Variants in PLXDC1 observed in about 807,000 individuals in gnomAD.
PLXDC1 encodes the protein plexin domain-containing protein 1.
A neutral mutation model predicts 61.3 loss-of-function variants in PLXDC1; 39 were observed. The ratio of observed to expected loss-of-function variants is 0.64; its 90% CI spans 0.49 to 0.83. The LOEUF (loss-of-function observed/expected upper bound fraction) is 0.83, where lower values mean the gene tolerates loss of function less well. PLXDC1 is among the 40% of genes least tolerant of loss of function. The pLI, the probability that PLXDC1 is intolerant of heterozygous loss-of-function variation, is 0.00. For missense variants in PLXDC1, 596 were observed against 666.5 expected, an observed-to-expected ratio of 0.89 and a Z score of 1.17; for synonymous variants, 212 against 254.5, an observed-to-expected ratio of 0.83 and a Z score of 1.59.
chr17:39,129,711 G>GAAA (rs1249381083), intron 2 of PLXDC1, among the ~76,000 whole-genome samples: 2 of 108,254 alleles, frequency 1.8e-5, no homozygotes, highest in East Asian at 2.9e-4. Flanking sequence ...AAAGAAAGAA[G>GAAA]GAAAGAAAGA....
At chr17:39,116,512 G>A (rs1447651159) in intron 2 of PLXDC1, among the ~76,000 whole-genome samples, 2 of 152,208 alleles carry the variant, frequency 1.3e-5, no homozygotes, top group Non-Finnish European at 2.9e-5. Context: ...TCCAGTGGCA[G>A]GTGACACAAA....
intron 2 of PLXDC1, among the ~76,000 whole-genome samples, chr17:39,119,286 CCTTCA>C (rs1404802562): frequency 5.3e-5 from 8 of 152,174 alleles, no homozygotes; most frequent in African/African-American, 1.9e-4. Context: ...CCCAGGCAGT[CCTTCA>C]CTGGTACAGA....
At chr17:39,136,964 T>C (rs940724335) in intron 2 of PLXDC1, among the ~76,000 whole-genome samples, 2 of 152,130 alleles carry the variant, frequency 1.3e-5, no homozygotes, top group Non-Finnish European at 2.9e-5. Flanking sequence ...CCATGAGGAA[T>C]TGTAGAAAGG....
intron 7 of PLXDC1, among the ~76,000 whole-genome samples, chr17:39,091,114 C>G (rs1236189577): frequency 6.6e-6 from 1 of 152,250 alleles, no homozygotes; most frequent in Non-Finnish European, 1.5e-5. Flanking sequence ...CCACTGCCCC[C>G]ACCCTAGCTT....
intron 2 of PLXDC1, among the ~76,000 whole-genome samples, chr17:39,110,146 G>T (rs917352609): frequency 2.6e-5 from 4 of 152,038 alleles, no homozygotes; most frequent in Non-Finnish European, 5.9e-5. Context: ...GAAAAATCTG[G>T]ATCTTAGAAG....
At chr17:39,077,841 G>C (rs1909399525) in intron 11 of PLXDC1, 72 bp downstream of exon 11, 1 of 1,511,484 alleles carries the variant, frequency 6.6e-7, no homozygotes, top group African/African-American at 1.4e-5. Context: ...GGGACAGAGA[G>C]GGGGCCCCAG....
At chr17:39,113,915 C>T (rs1194696815) in intron 2 of PLXDC1, among the ~76,000 whole-genome samples, 2 of 152,104 alleles carry the variant, frequency 1.3e-5, no homozygotes, top group African/African-American at 4.8e-5. Context: ...AACCTCATTC[C>T]CTGGATGTCT....
At position 39,123,831 on chromosome 17, in the gene PLXDC1, G is replaced by A. The variant is rs569018912; in HGVS notation, c.256-14440C>T. 3.6e-4 allele frequency among the ~76,000 whole-genome samples: 55 copies of A among 152,090 alleles called. 1 individual carries two copies. Among genetic ancestry groups the A allele is most frequent in the Admixed American group, 3.5e-3 (54 of 15,268 alleles). On this transcript the variant is annotated intron_variant, in intron 2 of 13. Coordinates refer to ENST00000315392, the MANE Select transcript of PLXDC1 (RefSeq NM_020405.5). ...GAACTCTGGCTAAGCTGTCACAGTCGGCCCATCACCTGCCAGCCAACTGGC... is the reference window on the plus strand; with the variant it reads ...GAACTCTGGCTAAGCTGTCACAGTCAGCCCATCACCTGCCAGCCAACTGGC...
intron 7 of PLXDC1, among the ~76,000 whole-genome samples, chr17:39,088,291 A>C: frequency 6.6e-6 from 1 of 151,500 alleles, no homozygotes; most frequent in Non-Finnish European, 1.5e-5. Context: ...CATCCACCTC[A>C]CCCCTCCTGG....
chr17:39,097,786 C>T (rs2143584853), intron 7 of PLXDC1, among the ~76,000 whole-genome samples: 1 of 151,530 alleles, frequency 6.6e-6, no homozygotes, highest in Admixed American at 6.6e-5. Context: ...TCTATAGTCT[C>T]AGCTACTCAG....
intron 7 of PLXDC1, among the ~76,000 whole-genome samples, chr17:39,098,131 G>A (rs1229621210): frequency 2.0e-5 from 3 of 149,582 alleles, no homozygotes; most frequent in South Asian, 2.1e-4. Flanking sequence ...CTTGAACCCA[G>A]GAGGTGGAGG....
At chr17:39,108,659 T>C (rs1355325179) in intron 4 of PLXDC1, 1 of 561,982 alleles carries the variant, frequency 1.8e-6, no homozygotes, top group Non-Finnish European at 3.2e-6. Context: ...CACAGGGCTG[T>C]CCACACTGAC....
Position 39,073,534 on chromosome 17 carries a change from G to A in PLXDC1, c.1187-1049C>T, listed in dbSNP as rs774919600. ...CTGGTAGACAAAAGGACACAGTGCC[G>A]CCCACTGCCAGTCCCTCCCAGAGTG... On this transcript the variant is annotated intron_variant, in intron 11 of 13. Transcript: ENST00000315392. Among the ~76,000 whole-genome samples the A allele has an allele frequency of 8.3e-4, 127 of 152,226 alleles. 2 individuals are homozygous for A. Among genetic ancestry groups the A allele is most frequent in the Middle Eastern group, 6.8e-3 (2 of 294 alleles).
chr17:39,135,008 G>A (rs967245612), intron 2 of PLXDC1, among the ~76,000 whole-genome samples: 2 of 152,108 alleles, frequency 1.3e-5, no homozygotes, highest in East Asian at 1.9e-4. Flanking sequence ...TCTTTTCCTC[G>A]TGAGCTGCTG....
At position 39,139,717 on chromosome 17, in the gene PLXDC1, G is replaced by T. The variant is rs372986611; in HGVS notation, c.192C>A (p.Ser64Arg). 3 of 1,613,842 alleles carry T rather than the reference G, an allele frequency of 1.9e-6. No homozygotes were observed. Among genetic ancestry groups the T allele is most frequent in the African/African-American group, 1.3e-5 (1 of 74,894 alleles). ...CCAGGGTGCCCCCACCCAGGTCCTG[G>T]CTCAGCTGGGTCCTGTCCGGCTCTG... Reference protein sequence around the residue: ...HVSEPDRTQLSQDLGGGTLAM... With the variant: ...HVSEPDRTQLRQDLGGGTLAM... The change falls in exon 2 of 14, where the codon AGC becomes AGA. Residue 64 changes from serine (S) to arginine (R), a missense_variant. By Grantham distance (110) the Ser-to-Arg change is moderately radical. Transcript: ENST00000315392.
intron 9 of PLXDC1, chr17:39,079,789 A>C: frequency 2.9e-6 from 1 of 339,170 alleles, no homozygotes; most frequent in South Asian, 2.3e-5. Flanking sequence ...TTCGTTCTTT[A>C]CTCTTTGGTG....
At chr17:39,142,512 C>T (rs1911967725) in intron 1 of PLXDC1, among the ~76,000 whole-genome samples, 1 of 152,126 alleles carries the variant, frequency 6.6e-6, no homozygotes, top group Non-Finnish European at 1.5e-5. Flanking sequence ...CCAGTTCCCT[C>T]TAGGTTGTTA....
chr17:39,086,859 CAAA>C (rs765774886), intron 8 of PLXDC1, among the ~76,000 whole-genome samples: 12 of 71,508 alleles, frequency 1.7e-4, no homozygotes, highest in South Asian at 1.4e-3. Context: ...GAGACTGTCT[CAAA>C]AAAAAAAAAA....
intron 5 of PLXDC1, 147 bp downstream of exon 5, chr17:39,107,976 G>T: frequency 1.0e-6 from 1 of 989,406 alleles, no homozygotes; most frequent in Non-Finnish European, 1.6e-6. Flanking sequence ...CTATCTGACA[G>T]GTCAGGAAAC....
Sources: allele counts gnomAD v4.1 joint callset (sites outside exome capture counted in the v4.1 genomes callset), GRCh38; gene constraint gnomAD v4.1.1; transcripts MANE v1.5; gene names NCBI Gene and HGNC (gene_info 2026-07-23, HGNC 2026-07-21).